The following CUL1 variants were observed in gnomAD, a reference collection of about 807,000 sequenced individuals.
CUL1 encodes the protein cullin 1.
CUL1 carries 24 observed loss-of-function variants against 118.0 expected under a neutral mutation model. That is an observed-to-expected ratio of 0.20 (90% confidence interval 0.15 to 0.29). The LOEUF (loss-of-function observed/expected upper bound fraction) is 0.29, where lower values mean the gene tolerates loss of function less well. CUL1 is among the 10% of genes least tolerant of loss of function. The probability of loss-of-function intolerance (pLI) is 1.00; values close to 1 mark genes in which losing one functional copy is unlikely to be tolerated. For missense variants in CUL1, 361 were observed against 933.8 expected, an observed-to-expected ratio of 0.39 and a Z score of 7.99; for synonymous variants, 332 against 340.4, an observed-to-expected ratio of 0.98 and a Z score of 0.27.
chr7:148,716,017 C>T (rs1798202848), intron 1 of CUL1, among the ~76,000 whole-genome samples: 1 of 152,070 alleles, frequency 6.6e-6, no homozygotes, highest in Non-Finnish European at 1.5e-5. Context: ...CTAGAACTGC[C>T]ATGATATTTC....
chr7:148,780,573 C>A (rs1421072912), intron 9 of CUL1, among the ~76,000 whole-genome samples: 2 of 152,186 alleles, frequency 1.3e-5, no homozygotes, highest in Non-Finnish European at 2.9e-5. Flanking sequence ...TCAGGCCATT[C>A]GTGACATAGG....
intron 11 of CUL1, among the ~76,000 whole-genome samples, chr7:148,786,271 A>C (rs1322596491): frequency 6.6e-6 from 1 of 152,264 alleles, no homozygotes; most frequent in Non-Finnish European, 1.5e-5. Flanking sequence ...TCTTAAAGGC[A>C]AACTTCTTCA....
Position 148,791,909 on chromosome 7 carries a change from G to A in CUL1, c.1807-817G>A, listed in dbSNP as rs143526224. On this transcript the variant is annotated intron_variant, in intron 16 of 21. Transcript: ENST00000325222. Reference sequence around the variant, plus strand: ...CCTGTCTTTTAGAAGATACTTTAGGGCCGGGTGCAGTGGCTCAGCCTGTAA... The same window carrying A: ...CCTGTCTTTTAGAAGATACTTTAGGACCGGGTGCAGTGGCTCAGCCTGTAA... Among the ~76,000 whole-genome samples the A allele has an allele frequency of 2.7e-3, 408 of 152,346 alleles. 3 individuals carry two copies. Among genetic ancestry groups the A allele is most frequent in the African/African-American group, 8.4e-3 (349 of 41,578 alleles).
chr7:148,703,168 T>A (rs2129458781), intron 1 of CUL1, among the ~76,000 whole-genome samples: 1 of 152,230 alleles, frequency 6.6e-6, no homozygotes, highest in East Asian at 1.9e-4. Flanking sequence ...AAAATGAAAA[T>A]GCTTTAAGGA....
chr7:148,799,519 A>C (rs1801317917), intron 21 of CUL1, 131 bp downstream of exon 21: 1 of 634,094 alleles, frequency 1.6e-6, no homozygotes, highest in Non-Finnish European at 2.8e-6. Flanking sequence ...TTTCTATAAA[A>C]GAAAGTCGGC....
chr7:148,755,014 A>C (rs1266504281), intron 3 of CUL1, among the ~76,000 whole-genome samples: 1 of 152,050 alleles, frequency 6.6e-6, no homozygotes, highest in Non-Finnish European at 1.5e-5. Context: ...CCACCTCCCG[A>C]AGTGTTGGGA....
intron 2 of CUL1, among the ~76,000 whole-genome samples, chr7:148,741,387 T>C (rs1333413709): frequency 6.6e-6 from 1 of 152,246 alleles, no homozygotes; most frequent in Non-Finnish European, 1.5e-5. Flanking sequence ...AGGGTTCCAG[T>C]TTCTCCACAT....
chr7:148,753,564 G>A (rs750393864), intron 2 of CUL1, among the ~76,000 whole-genome samples: 1 of 152,218 alleles, frequency 6.6e-6, no homozygotes, highest in African/African-American at 2.4e-5. Flanking sequence ...TAGAATCTGT[G>A]CCTCTGAAAA....
At position 148,767,494 on chromosome 7, in the gene CUL1, T is replaced by C. The variant is rs931351881; in HGVS notation, c.953-125T>C. The C allele has an allele frequency of 6.1e-6, 5 of 816,980 alleles. No individual in the cohort carries two copies. In the East Asian group the frequency reaches 1.3e-4, roughly 21 times the overall value. 50.6% of individuals were successfully genotyped at this position (816,980 alleles called of 1,614,324 possible). The stretch of plus-strand genomic sequence containing the variant: ...TTGGTTATAATTAAATGCTATTGAT[T>C]ATTAAAGTCTAAAAACATGGTTATC... On this transcript the variant is annotated intron_variant, in intron 8 of 21. Transcript: ENST00000325222.
chr7:148,797,537 C>G (rs1801245715), intron 17 of CUL1, among the ~76,000 whole-genome samples: 1 of 152,048 alleles, frequency 6.6e-6, no homozygotes. Flanking sequence ...GTTACTCAAC[C>G]TGATTTAAGT....
intron 7 of CUL1, among the ~76,000 whole-genome samples, chr7:148,765,494 G>A (rs890290893): frequency 1.3e-5 from 2 of 152,134 alleles, no homozygotes; most frequent in Non-Finnish European, 2.9e-5. Flanking sequence ...GCCGGGTATG[G>A]CGGCATGCAC....
At chr7:148,779,123 C>T (rs1800523607) in intron 9 of CUL1, among the ~76,000 whole-genome samples, 1 of 152,144 alleles carries the variant, frequency 6.6e-6, no homozygotes, top group Non-Finnish European at 1.5e-5. Flanking sequence ...TTATGTGAGA[C>T]TCTTAACGTG....
intron 1 of CUL1, among the ~76,000 whole-genome samples, chr7:148,708,332 C>T (rs1047692803): frequency 8.5e-5 from 13 of 152,312 alleles, no homozygotes; most frequent in African/African-American, 2.9e-4. Context: ...CTATTTCTAG[C>T]GTTGTGTCAG....
At chr7:148,782,958 T>C (rs1288034144) in intron 9 of CUL1, among the ~76,000 whole-genome samples, 2 of 151,956 alleles carry the variant, frequency 1.3e-5, no homozygotes, top group East Asian at 3.9e-4. Flanking sequence ...CACCATTTCC[T>C]GGCAGTGTGC....
chr7:148,701,352 C>G (rs1290326182), intron 1 of CUL1, among the ~76,000 whole-genome samples: 4 of 152,134 alleles, frequency 2.6e-5, no homozygotes, highest in African/African-American at 9.7e-5. Flanking sequence ...TCCCTTCTCC[C>G]TGAAACACCC....
At chr7:148,719,047 C>T (rs1798312161) in intron 1 of CUL1, among the ~76,000 whole-genome samples, 1 of 152,188 alleles carries the variant, frequency 6.6e-6, no homozygotes. Context: ...CGCAGTGGCT[C>T]ACACCTGTAA....
chr7:148,739,485 C>T (rs1412108776), intron 2 of CUL1, among the ~76,000 whole-genome samples: 1 of 152,202 alleles, frequency 6.6e-6, no homozygotes, highest in Non-Finnish European at 1.5e-5. Flanking sequence ...ATGTAAACTT[C>T]GTGTCCGTTG....
rs1474044764 is a variant in CUL1 at position 148,737,576 on chromosome 7, A to ATT, written c.140+7315_140+7316insTT. Among the ~76,000 whole-genome samples the ATT allele has an allele frequency of 6.0e-3, 756 of 126,994 alleles. 6 individuals carry two copies. Among genetic ancestry groups the ATT allele is most frequent in the African/African-American group, 0.026 (611 of 23,592 alleles). 83.3% of individuals were successfully genotyped at this position (126,994 alleles called of 152,430 possible). ...TGTGTGTGTATATATATATATTTTT[A>ATT]TATTTATTTATTTATTTATTTATTT... On this transcript the variant is annotated intron_variant, in intron 2 of 21. Transcript: ENST00000325222.
At chr7:148,791,418 G>T (rs1445935281) in intron 16 of CUL1, among the ~76,000 whole-genome samples, 2 of 152,196 alleles carry the variant, frequency 1.3e-5, no homozygotes, top group Admixed American at 6.5e-5. Context: ...TATTATGCTG[G>T]CTCCAGAGGT....
Sources: gnomAD v4.1 joint callset for allele counts (sites outside exome capture counted in the v4.1 genomes callset) on GRCh38, gnomAD v4.1.1 for gene constraint, MANE v1.5 for transcripts, NCBI Gene and HGNC (gene_info 2026-07-23, HGNC 2026-07-21) for gene names.